MEI4: variants seen among roughly 807,000 people sequenced by gnomAD.
MEI4 encodes the protein meiotic double-stranded break formation protein 4.
A neutral mutation model predicts 31.4 loss-of-function variants in MEI4; 27 were observed. The ratio of observed to expected loss-of-function variants is 0.86; its 90% CI spans 0.63 to 1.19. The LOEUF is 1.19. Among genes scored for constraint, MEI4 ranks in the 50% most tolerant of loss-of-function variants. The pLI is 0.00. For missense variants in MEI4, 329 were observed against 398.9 expected (o/e 0.82, Z 1.49); for synonymous variants, 122 against 145.4 (o/e 0.84, Z 1.16).
At chr6:77,809,430 T>C (rs1355201056) in intron 3 of MEI4, among the ~76,000 whole-genome samples, 1 of 152,190 alleles carries the variant, frequency 6.6e-6, no homozygotes, top group East Asian at 1.9e-4. Flanking sequence ...TTTCTTTATA[T>C]GTGAAAAGAT....
intron 4 of MEI4, among the ~76,000 whole-genome samples, chr6:77,915,916 C>T (rs1253007735): frequency 6.6e-6 from 1 of 151,976 alleles, no homozygotes; most frequent in Admixed American, 6.6e-5. Context: ...TTTCCTTTAT[C>T]ATGGTGCCAA....
intron 1 of MEI4, among the ~76,000 whole-genome samples, chr6:77,678,724 A>T (rs902088099): frequency 6.6e-6 from 1 of 152,042 alleles, no homozygotes; most frequent in Non-Finnish European, 1.5e-5. Flanking sequence ...TACTTATTAA[A>T]AAAAAAAGAT....
intron 2 of MEI4, among the ~76,000 whole-genome samples, chr6:77,694,764 T>A (rs1765971580): frequency 6.6e-6 from 1 of 152,092 alleles, no homozygotes; most frequent in East Asian, 1.9e-4. Flanking sequence ...TTATAATCCT[T>A]TGGGTATATA....
chr6:77,909,109 C>T (rs1417923411), intron 4 of MEI4, among the ~76,000 whole-genome samples: 1 of 152,078 alleles, frequency 6.6e-6, no homozygotes, highest in African/African-American at 2.4e-5. Context: ...GGAACTAAAG[C>T]ACTCCTCAGC....
At chr6:77,689,213 T>C (rs949091335) in intron 1 of MEI4, among the ~76,000 whole-genome samples, 4 of 152,080 alleles carry the variant, frequency 2.6e-5, no homozygotes, top group African/African-American at 9.7e-5. Context: ...GGGGTCCTAC[T>C]GTCCATATAA....
At chr6:77,865,116 A>G (rs894422607) in intron 4 of MEI4, among the ~76,000 whole-genome samples, 2 of 152,236 alleles carry the variant, frequency 1.3e-5, no homozygotes, top group African/African-American at 4.8e-5. Context: ...CTAAATGCCC[A>G]CAAGAGAAAG....
intron 1 of MEI4, among the ~76,000 whole-genome samples, chr6:77,681,803 AAAG>A (rs1239338491): frequency 6.6e-6 from 1 of 152,200 alleles, no homozygotes; most frequent in Non-Finnish European, 1.5e-5. Flanking sequence ...AGAAGGAAAA[AAAG>A]AAGCCTGTAT....
chr6:77,702,695 A>C (rs12662079), intron 2 of MEI4, among the ~76,000 whole-genome samples: 13,997 of 152,128 alleles, frequency 0.092, 932 homozygotes, highest in East Asian at 0.31. Flanking sequence ...TTCAGATATA[A>C]CCCAAAGGCC....
At chr6:77,755,853 T>TGTGTGTGC (rs1321731417) in intron 2 of MEI4, among the ~76,000 whole-genome samples, 8 of 151,696 alleles carry the variant, frequency 5.3e-5, no homozygotes, top group African/African-American at 1.9e-4. Context: ...TGTGTGTGTG[T>TGTGTGTGC]GTATTTTACC....
At chr6:77,858,486 T>C (rs1022545135) in intron 4 of MEI4, among the ~76,000 whole-genome samples, 4 of 152,168 alleles carry the variant, frequency 2.6e-5, no homozygotes, top group African/African-American at 4.8e-5. Context: ...TCTATGCATA[T>C]AGCAATTGGA....
intron 3 of MEI4, among the ~76,000 whole-genome samples, chr6:77,804,132 T>A (rs1467015431): frequency 1.3e-5 from 2 of 152,186 alleles, no homozygotes; most frequent in Non-Finnish European, 2.9e-5. Flanking sequence ...AGTTCGAGCT[T>A]CCTGGTGGCT....
intron 2 of MEI4, among the ~76,000 whole-genome samples, chr6:77,751,680 C>T (rs1767779246): frequency 6.6e-6 from 1 of 152,112 alleles, no homozygotes; most frequent in Admixed American, 6.6e-5. Context: ...CAAATTCTAC[C>T]AGAGGTACAA....
rs529063113 is a variant in MEI4, at chr6:77,794,644, A to G, written c.768+32979A>G. On this transcript the variant is annotated intron_variant, in intron 3 of 4. Transcript: ENST00000684080. ...TAACAAAACTGAAGAGAAAGATATG[A>G]CCACTCAATAATAGTAAGGGGCATC... Among the ~76,000 whole-genome samples the G allele has an allele frequency of 1.4e-3, 209 of 152,244 alleles. 1 individual carries two copies. The highest frequency in any genetic ancestry group is 2.3e-3 in the Non-Finnish European group (154 of 68,018).
At position 77,838,903 on chromosome 6, in the gene MEI4, CA is replaced by C. The variant is rs377478626; in HGVS notation, c.900+9853del. Among the ~76,000 whole-genome samples, 683 of 124,418 alleles carry C rather than the reference CA, an allele frequency of 5.5e-3. 4 individuals are homozygous for C. The highest frequency in any genetic ancestry group is 0.015 in the African/African-American group (505 of 34,344). The allele number at this position is 124,418 out of a possible 152,430, so 81.6% of individuals were successfully genotyped here. ...GGGCGACAAGAGCGAAACTCTATCTCAAAAAAAAAAAAGTCAACTACCTGAG... is the reference window on the plus strand; with the variant it reads ...GGGCGACAAGAGCGAAACTCTATCTCAAAAAAAAAAAGTCAACTACCTGAG... On this transcript the variant is annotated intron_variant, in intron 4 of 4. Coordinates refer to ENST00000684080, the MANE Select transcript of MEI4 (RefSeq NM_001322247.2).
chr6:77,842,433 G>A (rs1770387313), intron 4 of MEI4, among the ~76,000 whole-genome samples: 1 of 151,136 alleles, frequency 6.6e-6, no homozygotes, highest in Non-Finnish European at 1.5e-5. Context: ...ATGGATTTAT[G>A]CTTGTCATTG....
At chr6:77,865,341 TAAA>T (rs1424603295) in intron 4 of MEI4, among the ~76,000 whole-genome samples, 1 of 151,506 alleles carries the variant, frequency 6.6e-6, no homozygotes, top group East Asian at 2.0e-4. Context: ...GCAAGACCAA[TAAA>T]GAAGAAAGGA....
chr6:77,699,907 A>G (rs1427432637), intron 2 of MEI4, among the ~76,000 whole-genome samples: 1 of 152,142 alleles, frequency 6.6e-6, no homozygotes, highest in East Asian at 1.9e-4. Context: ...GCTGTAGAAC[A>G]GCGGATTTTG....
intron 3 of MEI4, among the ~76,000 whole-genome samples, chr6:77,776,528 G>A (rs1768447146): frequency 6.6e-6 from 1 of 152,096 alleles, no homozygotes. Context: ...AAGATTATGA[G>A]AGGCAACTTT....
At chr6:77,863,038 C>T (rs1269555537) in intron 4 of MEI4, among the ~76,000 whole-genome samples, 2 of 152,156 alleles carry the variant, frequency 1.3e-5, no homozygotes, top group Non-Finnish European at 2.9e-5. Flanking sequence ...GGAAAACTAA[C>T]AAACAGAAAG....
Sources: gnomAD v4.1 joint callset for allele counts (sites outside exome capture counted in the v4.1 genomes callset) on GRCh38, gnomAD v4.1.1 for gene constraint, MANE v1.5 for transcripts, NCBI Gene and HGNC (gene_info 2026-07-23, HGNC 2026-07-21) for gene names.